ABCA12: variants seen among roughly 807,000 people sequenced by gnomAD.
The protein encoded by ABCA12 is glucosylceramide transporter ABCA12.
A neutral mutation model predicts 293.5 loss-of-function variants in ABCA12; 156 were observed. The ratio of observed to expected loss-of-function variants is 0.53; its 90% CI spans 0.47 to 0.61. ABCA12 has a LOEUF of 0.61. ABCA12 is among the 20% of genes least tolerant of loss of function. ABCA12 has a pLI of 0.00. For synonymous variants in ABCA12, 1,063 were observed against 1,108.0 expected (o/e 0.96, Z 0.81); for missense variants, 2,797 against 3,090.2 (o/e 0.91, Z 2.25).
chr2:214,950,384 CTGTGTGTGTGTGTG>C (rs61619476), intron 45 of ABCA12, among the ~76,000 whole-genome samples: 6,412 of 116,602 alleles, frequency 0.055, 459 homozygotes, highest in African/African-American at 0.17. Context: ...ATATATATAT[CTGTGTGTGTGTGTG>C]TGTGTGTGTG....
In ABCA12 at chr2:215,069,225, AT is replaced by A. The variant is rs567136965; in HGVS notation, c.164-5007del. Among the ~76,000 whole-genome samples the A allele has an allele frequency of 2.8e-3, 418 of 147,816 alleles. 1 individual carries two copies. The highest frequency in any genetic ancestry group is 4.0e-3 in the Non-Finnish European group (266 of 66,720). On this transcript the variant is annotated intron_variant, in intron 2 of 52. Coordinates refer to ENST00000272895, the MANE Select transcript of ABCA12 (RefSeq NM_173076.3). ...AATATGGAGTTACTCATTTGAGAGC[AT>A]TTTTTTTTTTCTTAATTTCTTTGGA...
At chr2:215,083,950 T>C (rs1701990967) in intron 2 of ABCA12, among the ~76,000 whole-genome samples, 1 of 152,184 alleles carries the variant, frequency 6.6e-6, no homozygotes, top group Non-Finnish European at 1.5e-5. Flanking sequence ...TTATCTTTTT[T>C]ATAAAGAATA....
chr2:214,969,721 C>A (rs1426758277), intron 37 of ABCA12, among the ~76,000 whole-genome samples: 1 of 151,808 alleles, frequency 6.6e-6, no homozygotes, highest in Non-Finnish European at 1.5e-5. Flanking sequence ...TTATTTTTTA[C>A]AATGAATATT....
At position 215,010,241 on chromosome 2, in the gene ABCA12, G is replaced by T. The variant is rs6733264; in HGVS notation, c.2472+90C>A. ...ATAATAATAGTAGGTAAGATAGAAA[G>T]AAATCAGTCAGCTAAAGTAAATTTG... On this transcript the variant is annotated intron_variant, in intron 18 of 52. Transcript: ENST00000272895. 1,292,096 of 1,478,518 alleles carry T rather than the reference G, an allele frequency of 0.87. 576,381 individuals carry two copies. The highest frequency in any genetic ancestry group is 0.95 in the East Asian group (41,419 of 43,816). The allele number at this position is 1,478,518 out of a possible 1,614,324, so 91.6% of individuals were successfully genotyped here. A position where few individuals can be genotyped will look rare whatever the true frequency, so the allele number is the denominator to read the frequency against.
At chr2:215,076,752 T>C (rs904899372) in intron 2 of ABCA12, among the ~76,000 whole-genome samples, 1 of 152,222 alleles carries the variant, frequency 6.6e-6, no homozygotes, top group Admixed American at 6.5e-5. Context: ...TAGATTGTGA[T>C]ATATTTATAC....
At chr2:215,102,334 C>T (rs889727490) in intron 2 of ABCA12, among the ~76,000 whole-genome samples, 11 of 152,372 alleles carry the variant, frequency 7.2e-5, no homozygotes, top group Non-Finnish European at 1.3e-4. Flanking sequence ...CGCAATGGCG[C>T]ATGCCTGTAA....
chr2:214,996,724 G>A (rs1700041178), intron 23 of ABCA12, among the ~76,000 whole-genome samples: 1 of 152,216 alleles, frequency 6.6e-6, no homozygotes, highest in Non-Finnish European at 1.5e-5. Flanking sequence ...GGACAACCCT[G>A]AAAGCCTGAT....
rs760615733 is a variant in ABCA12 at position 215,026,911 on chromosome 2, A to T, written c.1089T>A (p.Asp363Glu). ...AQLLILENFE[D>E]ALLNISANSP... Reference sequence around the variant, plus strand: ...TATTTGCTGATATATTTAAGAGGGCATCTTCAAAGTTTTCCAGAATTAGGA... The same window carrying T: ...TATTTGCTGATATATTTAAGAGGGCTTCTTCAAAGTTTTCCAGAATTAGGA... The change falls in exon 10 of 53, where the codon GAT (aspartate) becomes GAA (glutamate). Residue 363 changes from aspartate to glutamate, a missense_variant. By Grantham distance (45) the Asp-to-Glu change is conservative. This residue lies in a region of ABCA12 where 656 missense variants were observed against 638.2 expected (regional missense o/e 1.03). Coordinates refer to ENST00000272895, the MANE Select transcript of ABCA12 (RefSeq NM_173076.3). 5 of 1,610,516 alleles carry T rather than the reference A, an allele frequency of 3.1e-6. No individual in the cohort carries two copies. The Admixed American group carries it at 8.3e-5, about 27-fold the overall frequency.
chr2:214,960,983 C>T (rs1699096048), intron 39 of ABCA12, among the ~76,000 whole-genome samples: 1 of 152,026 alleles, frequency 6.6e-6, no homozygotes, highest in Non-Finnish European at 1.5e-5. Context: ...CAAAGAAAAT[C>T]AATTTTATAG....
Position 215,025,662 on chromosome 2 carries a change from T to G in ABCA12, c.1287+11A>C. On this transcript the variant is annotated intron_variant, in intron 11 of 52. Coordinates refer to ENST00000272895, the MANE Select transcript of ABCA12 (RefSeq NM_173076.3). ...TTTGTTTTTTGTTTTTTTTTTACTT[T>G]CATGGCTTACTTTTGATTTTAGGAC... The G allele has an allele frequency of 6.5e-7, 1 of 1,543,918 alleles. No individual in the cohort carries two copies. Among genetic ancestry groups the G allele is most frequent in the Non-Finnish European group, 8.8e-7 (1 of 1,131,276 alleles).
rs780225994 is a variant in ABCA12 at position 215,019,614 on chromosome 2, A to G, written c.1470T>C (p.His490=). The part of the protein sequence containing the change: ...GTEIAASLLY[H]DNVISKKVRD... ...TCACTTTTTTAGATATGACATTGTC[A>G]TGGTACAGTAAGCTGGCTGCTATTT... Residue 490 remains histidine (H), a synonymous_variant, in exon 12 of 53, where the codon CAT becomes CAC. Coordinates refer to ENST00000272895, the MANE Select transcript of ABCA12 (RefSeq NM_173076.3). 2 of 1,614,210 alleles carry G rather than the reference A, an allele frequency of 1.2e-6. No homozygotes were observed. The highest frequency in any genetic ancestry group is 2.2e-5 in the South Asian group (2 of 91,078).
At chr2:214,954,953 T>C (rs1312679716) in intron 43 of ABCA12, among the ~76,000 whole-genome samples, 1 of 152,188 alleles carries the variant, frequency 6.6e-6, no homozygotes, top group East Asian at 1.9e-4. Context: ...TGCCGCACAA[T>C]ACATCTGATT....
chr2:215,025,466 C>T, intron 11 of ABCA12: 1 of 509,552 alleles, frequency 2.0e-6, no homozygotes, highest in Non-Finnish European at 3.5e-6. Flanking sequence ...CAGCCATAAA[C>T]TCTTTTGTCA....
intron 41 of ABCA12, among the ~76,000 whole-genome samples, chr2:214,957,205 C>T (rs1460141202): frequency 2.0e-5 from 3 of 152,218 alleles, no homozygotes; most frequent in African/African-American, 4.8e-5. Flanking sequence ...GTGTGAACCA[C>T]TCTGTGCAAA....
chr2:214,953,621 C>T (rs1225375095), intron 44 of ABCA12, among the ~76,000 whole-genome samples: 1 of 152,188 alleles, frequency 6.6e-6, no homozygotes, highest in Non-Finnish European at 1.5e-5. Flanking sequence ...AACAACTGTG[C>T]TTATTTAATT....
chr2:215,054,289 A>G (rs1284698319), intron 4 of ABCA12, among the ~76,000 whole-genome samples: 3 of 152,076 alleles, frequency 2.0e-5, no homozygotes, highest in Non-Finnish European at 4.4e-5. Flanking sequence ...AATTGCAGAC[A>G]ACTAAAGAGT....
At chr2:215,076,351 C>G (rs1323499423) in intron 2 of ABCA12, among the ~76,000 whole-genome samples, 3 of 152,148 alleles carry the variant, frequency 2.0e-5, no homozygotes, top group Admixed American at 6.6e-5. Context: ...CCACGTTGTA[C>G]AGTTAAAATT....
At chr2:215,116,493 T>C (rs1207318399) in intron 1 of ABCA12, among the ~76,000 whole-genome samples, 1 of 152,170 alleles carries the variant, frequency 6.6e-6, no homozygotes, top group African/African-American at 2.4e-5. Context: ...TGCAAAGGGA[T>C]TGGCAATGAA....
At chr2:215,105,234 A>G (rs1702440437) in intron 2 of ABCA12, among the ~76,000 whole-genome samples, 1 of 152,166 alleles carries the variant, frequency 6.6e-6, no homozygotes, top group African/African-American at 2.4e-5. Context: ...CAATACTTCA[A>G]CAAGAGAGAT....
Sources: allele counts gnomAD v4.1 joint callset (sites outside exome capture counted in the v4.1 genomes callset), GRCh38; gene constraint gnomAD v4.1.1; regional missense constraint gnomAD v4.1.1; transcripts MANE v1.5; gene names NCBI Gene and HGNC (gene_info 2026-07-23, HGNC 2026-07-21).